MCC: variants seen among roughly 807,000 people sequenced by gnomAD.
MCC encodes MCC regulator of Wnt signaling pathway, also known as colorectal mutant cancer protein.
In MCC, 90 loss-of-function variants were observed where a neutral mutation model predicts 116.2. The observed-to-expected ratio is 0.77, with a 90% CI of 0.65 to 0.92. MCC has a LOEUF of 0.92. Ranked by LOEUF, MCC falls within the 40% of genes least tolerant of loss-of-function variation. The probability of loss-of-function intolerance (pLI) is 0.00; values close to 1 mark genes in which losing one functional copy is unlikely to be tolerated. For synonymous variants in MCC, 578 were observed against 510.5 expected (o/e 1.13, Z -1.78); for missense variants, 1,516 against 1,312.2 (o/e 1.16, Z -2.40).
At chr5:113,453,729 G>C (rs1771464892) in intron 1 of MCC, among the ~76,000 whole-genome samples, 1 of 152,230 alleles carries the variant, frequency 6.6e-6, no homozygotes. Context: ...GGTTCAGGGA[G>C]AGGACACTCT....
rs150767231 is a variant in MCC, at chr5:113,198,376, A to G, written c.628-46954T>C. On this transcript the variant is annotated intron_variant, in intron 3 of 18. Coordinates refer to ENST00000408903, the MANE Select transcript of MCC (RefSeq NM_001085377.2). Reference sequence around the variant, plus strand: ...TATTTCAAGAGAGAAGGCAGGAACTAAATAATATCTAACCTTTTAGAAATG... The same window carrying G: ...TATTTCAAGAGAGAAGGCAGGAACTGAATAATATCTAACCTTTTAGAAATG... Among the ~76,000 whole-genome samples, 153 of 152,230 alleles carry G rather than the reference A, an allele frequency of 1.0e-3. 1 individual carries two copies. The highest frequency in any genetic ancestry group is 3.6e-3 in the African/African-American group (151 of 41,530).
intron 3 of MCC, among the ~76,000 whole-genome samples, chr5:113,273,674 T>C (rs73246629): frequency 0.12 from 18,486 of 152,112 alleles, 1,819 homozygotes; most frequent in Admixed American, 0.26. Context: ...AAAGTAGGTA[T>C]GGGGTGGTGC....
At chr5:113,068,361 G>T (rs1753772662) in intron 12 of MCC, among the ~76,000 whole-genome samples, 178 bp from the exon 13 acceptor site, 1 of 152,194 alleles carries the variant, frequency 6.6e-6, no homozygotes, top group Non-Finnish European at 1.5e-5. Context: ...CTTTCATTTG[G>T]CCTTTTTATT....
At chr5:113,452,623 C>G (rs1200628523) in intron 1 of MCC, among the ~76,000 whole-genome samples, 1 of 152,152 alleles carries the variant, frequency 6.6e-6, no homozygotes, top group Non-Finnish European at 1.5e-5. Flanking sequence ...TATAAGCTAC[C>G]TGATTTATGG....
chr5:113,299,012 G>C (rs1018602445), intron 3 of MCC, among the ~76,000 whole-genome samples: 2 of 152,072 alleles, frequency 1.3e-5, no homozygotes, highest in African/African-American at 2.4e-5. Flanking sequence ...TTCCAGGCCG[G>C]ATGCAGTGGC....
At chr5:113,105,062 T>C (rs1756651313) in intron 6 of MCC, among the ~76,000 whole-genome samples, 1 of 152,250 alleles carries the variant, frequency 6.6e-6, no homozygotes, top group Non-Finnish European at 1.5e-5. Context: ...GATTCAGATA[T>C]ATCTTAGAAG....
chr5:113,103,131 T>G (rs12515580), intron 7 of MCC, among the ~76,000 whole-genome samples: 20,821 of 151,854 alleles, frequency 0.14, 2,121 homozygotes, highest in African/African-American at 0.27. Flanking sequence ...ATAATAAAAA[T>G]AATAAAAAGA....
chr5:113,240,227 A>G (rs12188069), intron 3 of MCC, among the ~76,000 whole-genome samples: 16,403 of 152,062 alleles, frequency 0.11, 1,378 homozygotes, highest in Admixed American at 0.25. Flanking sequence ...CCGGTGTTGA[A>G]AACTTGACCC....
chr5:113,418,966 G>A (rs1770239033), intron 1 of MCC, among the ~76,000 whole-genome samples: 1 of 152,102 alleles, frequency 6.6e-6, no homozygotes, highest in Non-Finnish European at 1.5e-5. Flanking sequence ...CGTACTTGCA[G>A]GAGAACTGAA....
At chr5:113,461,909 A>G (rs948736864) in intron 1 of MCC, among the ~76,000 whole-genome samples, 2 of 152,172 alleles carry the variant, frequency 1.3e-5, no homozygotes, top group Non-Finnish European at 2.9e-5. Context: ...ACCCAGGAAA[A>G]GCAGGAGTGA....
intron 3 of MCC, among the ~76,000 whole-genome samples, chr5:113,320,683 A>G (rs748245278): frequency 3.3e-5 from 5 of 151,966 alleles, no homozygotes. Flanking sequence ...ATTGCTTCCA[A>G]AAAAGGTGAT....
At chr5:113,086,306 G>GGGGGGTGAGAGTT (rs11269973) in intron 8 of MCC, among the ~76,000 whole-genome samples, 1 of 151,540 alleles carries the variant, frequency 6.6e-6, no homozygotes, top group Non-Finnish European at 1.5e-5. Context: ...TGATATGCCT[G>GGGGGGTGAGAGTT]GGGGGTTGAA....
At chr5:113,315,704 C>CAAAAA (rs35274366) in intron 3 of MCC, among the ~76,000 whole-genome samples, 9 of 64,464 alleles carry the variant, frequency 1.4e-4, no homozygotes, top group Non-Finnish European at 1.5e-4. Flanking sequence ...CCCATCTCTA[C>CAAAAA]AAAAAAAAAA....
chr5:113,419,997 T>G (rs1337132428), intron 1 of MCC, among the ~76,000 whole-genome samples: 1 of 150,230 alleles, frequency 6.7e-6, no homozygotes, highest in East Asian at 2.0e-4. Context: ...GTTGTGCACA[T>G]GTACCCTAAA....
intron 4 of MCC, among the ~76,000 whole-genome samples, chr5:113,146,417 C>A (rs1028940124): frequency 1.2e-5 from 1 of 83,704 alleles, no homozygotes; most frequent in African/African-American, 4.3e-5. Context: ...TCCTCTTCAC[C>A]ATTTACCTAA....
In MCC at chr5:113,035,401, C is replaced by T. The variant is rs1007836816; in HGVS notation, c.2757-6345G>A. Among the ~76,000 whole-genome samples, 14 of 152,350 alleles carry T rather than the reference C, an allele frequency of 9.2e-5. No homozygotes were observed. The South Asian group carries it at 1.0e-3, about 11-fold the overall frequency. On this transcript the variant is annotated intron_variant, in intron 17 of 18. Coordinates refer to ENST00000408903, the MANE Select transcript of MCC (RefSeq NM_001085377.2). ...CTGCTAACTGGTTTCTCTGTCTCCT[C>T]CCCTGCATCCCTCTGCCCTGGTTTT... is the stretch of plus-strand genomic sequence containing the variant.
intron 3 of MCC, among the ~76,000 whole-genome samples, chr5:113,271,875 A>C (rs1474786336): frequency 6.6e-6 from 1 of 152,122 alleles, no homozygotes; most frequent in Non-Finnish European, 1.5e-5. Flanking sequence ...TGAACATCTC[A>C]ACTTCTACAA....
rs998108995 is a variant in MCC at position 113,053,775 on chromosome 5, T to C, written c.2398A>G (p.Arg800Gly). ...AGCACTGCGTTTTCCAGATCCAGCC[T>C]CTGGCTGTCTCCCCGAGGCTTGACG... ...YDVKPRGDSQ[R>G]LDLENAVLMQ... The change falls in exon 15 of 19, where the codon AGG becomes GGG. Residue 800 changes from arginine to glycine, a missense_variant. Arg to Gly is a moderately radical substitution (Grantham distance 125). Coordinates refer to ENST00000408903, the MANE Select transcript of MCC (RefSeq NM_001085377.2). The C allele has an allele frequency of 2.5e-6, 4 of 1,613,716 alleles. No homozygotes were observed. The African/African-American group carries it at 5.3e-5, about 22-fold the overall frequency.
At position 113,023,949 on chromosome 5, in the gene MCC, C is replaced by T. The variant is rs906770511; in HGVS notation, c.*3353G>A. The T allele has an allele frequency of 1.6e-4, 24 of 152,162 alleles. No homozygotes were observed. The highest frequency in any genetic ancestry group is 4.6e-4 in the African/African-American group (19 of 41,428). 9.4% of individuals were successfully genotyped at this position (152,162 alleles called of 1,614,324 possible). ...CAGTCCAATCTTGATCGGGTAACTA[C>T]GGTGCACTTTTTTCTCATTTAAAAT... On this transcript the variant is annotated 3_prime_UTR_variant, in exon 19 of 19. Transcript: ENST00000408903.
Sources: allele counts gnomAD v4.1 joint callset (sites outside exome capture counted in the v4.1 genomes callset), GRCh38; gene constraint gnomAD v4.1.1; transcripts MANE v1.5; gene names NCBI Gene and HGNC (gene_info 2026-07-23, HGNC 2026-07-21).